IQCM: variants seen among roughly 807,000 people sequenced by gnomAD.
IQCM encodes the protein IQ motif containing M.
Under a neutral mutation model 57.6 loss-of-function variants are expected in IQCM, and 45 were observed. The observed-to-expected ratio is 0.78, with a 90% CI of 0.62 to 1.00. The LOEUF (loss-of-function observed/expected upper bound fraction) is 1.00. Ranked by LOEUF, IQCM falls within the 50% of genes least tolerant of loss-of-function variation. The pLI is 0.00. For missense variants in IQCM, 468 were observed against 511.6 expected (o/e 0.91, Z 0.82); for synonymous variants, 148 against 158.9 (o/e 0.93, Z 0.51).
intron 8 of IQCM, among the ~76,000 whole-genome samples, chr4:149,602,900 G>A (rs556970568): frequency 6.6e-6 from 1 of 152,024 alleles, no homozygotes. Context: ...TATTTAGAGG[G>A]CAATTTAACC....
chr4:149,479,667 A>AG (rs1438609950), intron 12 of IQCM, among the ~76,000 whole-genome samples: 1 of 152,196 alleles, frequency 6.6e-6, no homozygotes, highest in African/African-American at 2.4e-5. Flanking sequence ...TAAAGCCATT[A>AG]GGTGAAACTG....
chr4:149,411,311 ATTGT>A (rs1168847982), intron 13 of IQCM, among the ~76,000 whole-genome samples: 2 of 152,134 alleles, frequency 1.3e-5, no homozygotes, highest in Non-Finnish European at 2.9e-5. Context: ...AGAAAACAGA[ATTGT>A]TTAACAGTTC....
At chr4:149,772,384 T>C (rs1053529774) in intron 2 of IQCM, among the ~76,000 whole-genome samples, 16 of 152,186 alleles carry the variant, frequency 1.1e-4, no homozygotes, top group African/African-American at 3.6e-4. Context: ...TACTCTGTTA[T>C]ATATATTTCA....
intron 2 of IQCM, among the ~76,000 whole-genome samples, chr4:149,804,064 A>G (rs1254755862): frequency 6.6e-6 from 1 of 151,832 alleles, no homozygotes; most frequent in East Asian, 1.9e-4. Flanking sequence ...AGGCTATAGG[A>G]GGCTGGAGTT....
Position 149,735,435 on chromosome 4 carries a change from G to T in IQCM, c.61C>A (p.Gln21Lys). 1.6e-5 allele frequency: 19 copies of T among 1,224,780 alleles called. No individual in the cohort carries two copies. Among genetic ancestry groups the T allele is most frequent in the Non-Finnish European group, 1.6e-5 (16 of 981,558 alleles). The allele number at this position is 1,224,780 out of a possible 1,614,324, so 75.9% of individuals were successfully genotyped here. ...AKCPTLEITKQDFFQEAKTLI... is the reference protein window; with the variant it reads ...AKCPTLEITKKDFFQEAKTLI... ...GTTTTTGCTTCTTGAAAAAAGTCTTGCTTGGTGATCTCTAATGTAGGACCT... is the reference window on the plus strand; with the variant it reads ...GTTTTTGCTTCTTGAAAAAAGTCTTTCTTGGTGATCTCTAATGTAGGACCT... The change falls in exon 4 of 14, where the codon CAA (glutamine) becomes AAA (lysine). Residue 21 changes from glutamine to lysine, a missense_variant. By Grantham distance (53) the Gln-to-Lys change is moderately conservative. Transcript: ENST00000636793.
chr4:149,473,143 A>T (rs1212241828), intron 12 of IQCM, among the ~76,000 whole-genome samples: 1 of 152,250 alleles, frequency 6.6e-6, no homozygotes, highest in African/African-American at 2.4e-5. Context: ...TAAACTCAAG[A>T]GCTTCTGCAC....
intron 9 of IQCM, among the ~76,000 whole-genome samples, chr4:149,576,475 G>A (rs1354789175): frequency 6.6e-6 from 1 of 151,692 alleles, no homozygotes; most frequent in Non-Finnish European, 1.5e-5. Flanking sequence ...AGATTTTAGT[G>A]CACATATCAC....
At chr4:149,355,943 G>C (rs1728943114) in intron 13 of IQCM, among the ~76,000 whole-genome samples, 1 of 152,066 alleles carries the variant, frequency 6.6e-6, no homozygotes. Context: ...ATTCTAACTG[G>C]TGTGAGATGG....
intron 2 of IQCM, among the ~76,000 whole-genome samples, chr4:149,745,559 C>T (rs996795639): frequency 4.6e-5 from 7 of 152,242 alleles, no homozygotes; most frequent in South Asian, 2.1e-4. Context: ...CTCTCTGAAA[C>T]GGTTACAGGA....
At chr4:149,603,812 A>G (rs1754531233) in intron 8 of IQCM, among the ~76,000 whole-genome samples, 1 of 152,000 alleles carries the variant, frequency 6.6e-6, no homozygotes, top group South Asian at 2.1e-4. Context: ...CAAAATGTAG[A>G]CAACATCCTA....
intron 5 of IQCM, among the ~76,000 whole-genome samples, chr4:149,711,919 C>G (rs994112437): frequency 8.6e-5 from 13 of 152,036 alleles, no homozygotes; most frequent in African/African-American, 2.7e-4. Flanking sequence ...CTTTTTTGAT[C>G]CATCTTCACT....
intron 12 of IQCM, among the ~76,000 whole-genome samples, chr4:149,448,824 G>T (rs1382880650): frequency 6.6e-6 from 1 of 151,754 alleles, no homozygotes; most frequent in East Asian, 1.9e-4. Flanking sequence ...AATTGAATGT[G>T]TGGTTAAGCA....
chr4:149,463,175 A>G (rs143078930), intron 12 of IQCM, among the ~76,000 whole-genome samples: 35 of 152,328 alleles, frequency 2.3e-4, no homozygotes, highest in African/African-American at 6.0e-4. Context: ...GGGTTCTCCA[A>G]TGAAAATCTG....
intron 13 of IQCM, among the ~76,000 whole-genome samples, chr4:149,417,589 C>T (rs1185540937): frequency 6.6e-6 from 1 of 152,086 alleles, no homozygotes; most frequent in African/African-American, 2.4e-5. Context: ...CATTATACAT[C>T]ACAGTGGACA....
chr4:149,712,856 A>T (rs2149835349), intron 5 of IQCM, among the ~76,000 whole-genome samples: 1 of 152,248 alleles, frequency 6.6e-6, no homozygotes, highest in African/African-American at 2.4e-5. Flanking sequence ...TCTTATTTTT[A>T]AAATATTTGG....
At chr4:149,464,098 T>G (rs891754249) in intron 12 of IQCM, among the ~76,000 whole-genome samples, 1 of 152,182 alleles carries the variant, frequency 6.6e-6, no homozygotes, top group African/African-American at 2.4e-5. Flanking sequence ...ATCCATCTTT[T>G]TCCTCTTACT....
intron 2 of IQCM, among the ~76,000 whole-genome samples, chr4:149,775,974 T>C (rs983416565): frequency 5.3e-5 from 8 of 152,062 alleles, no homozygotes; most frequent in Non-Finnish European, 1.2e-4. Context: ...ATGACAAAAT[T>C]TATCATTCAC....
intron 13 of IQCM, among the ~76,000 whole-genome samples, chr4:149,392,188 T>C (rs961797106): frequency 6.6e-6 from 1 of 151,960 alleles, no homozygotes; most frequent in Non-Finnish European, 1.5e-5. Context: ...ATAGATATTC[T>C]TTTTGGCAAA....
chr4:149,593,152 C>A (rs1437464222), intron 8 of IQCM, among the ~76,000 whole-genome samples: 1 of 152,018 alleles, frequency 6.6e-6, no homozygotes. Context: ...GTTTGTAGTT[C>A]TCCTTGAAGA....
Sources: allele counts gnomAD v4.1 joint callset (sites outside exome capture counted in the v4.1 genomes callset), GRCh38; gene constraint gnomAD v4.1.1; transcripts MANE v1.5; gene names NCBI Gene and HGNC (gene_info 2026-07-23, HGNC 2026-07-21).